Variants in FRMD6 observed in about 807,000 individuals in gnomAD.
The protein encoded by FRMD6 is FERM domain containing 6.
Under a neutral mutation model 73.2 loss-of-function variants are expected in FRMD6, and 37 were observed. The observed-to-expected ratio is 0.51, with a 90% confidence interval of 0.39 to 0.66. The LOEUF (loss-of-function observed/expected upper bound fraction) is 0.66. Among genes scored for constraint, FRMD6 ranks in the 30% least tolerant of loss-of-function variants. FRMD6 has a pLI of 0.00. For synonymous variants in FRMD6, 273 were observed against 282.2 expected (o/e 0.97, Z 0.33); for missense variants, 714 against 780.5 (o/e 0.91, Z 1.02).
chr14:51,578,535 C>T (rs1888529242), intron 2 of FRMD6, among the ~76,000 whole-genome samples: 1 of 152,218 alleles, frequency 6.6e-6, no homozygotes, highest in Non-Finnish European at 1.5e-5. Context: ...CTCTGGTTCT[C>T]ACCACTCGTG....
intron 7 of FRMD6, among the ~76,000 whole-genome samples, chr14:51,709,642 G>A (rs964863161): frequency 4.6e-5 from 7 of 152,076 alleles, no homozygotes; most frequent in African/African-American, 9.7e-5. Flanking sequence ...CATAAGATCT[G>A]TTTGGCTAAA....
chr14:51,488,811 C>T (rs769263712), upstream of FRMD6, among the ~76,000 whole-genome samples: 3 of 152,212 alleles, frequency 2.0e-5, no homozygotes, highest in Non-Finnish European at 4.4e-5. Context: ...AAGTTCGATC[C>T]CTAACCAGTG....
At chr14:51,577,309 T>C (rs571560476) in intron 2 of FRMD6, among the ~76,000 whole-genome samples, 2 of 152,178 alleles carry the variant, frequency 1.3e-5, no homozygotes, top group African/African-American at 2.4e-5. Context: ...ACCAAACTCA[T>C]GGCACAGTCA....
rs959412878 is a variant in FRMD6 at position 51,510,112 on chromosome 14, G to C, written c.-210+20692G>C. On this transcript the variant is annotated intron_variant, in intron 1 of 14. Coordinates refer to the FRMD6 transcript ENST00000356218. The stretch of plus-strand genomic sequence containing the variant: ...ATGTTGTTTATTTTTCATCCATCTT[G>C]TTGCCATGGAGGGAGGCAGTTGTGG... 2.0e-5 allele frequency among the ~76,000 whole-genome samples: 3 copies of C among 152,298 alleles called. No individual in the cohort carries two copies. The South Asian group carries it at 6.2e-4, about 32-fold the overall frequency.
At chr14:51,467,637 C>T in the FRMD6 span, among the ~76,000 whole-genome samples, 31 of 152,058 alleles carry the variant, frequency 2.0e-4, no homozygotes, top group Non-Finnish European at 4.3e-4. Flanking sequence ...AGACGCTCCT[C>T]ACCTCCCAGA....
chr14:51,452,420 G>A, the FRMD6 span, among the ~76,000 whole-genome samples: 1 of 152,178 alleles, frequency 6.6e-6, no homozygotes, highest in Non-Finnish European at 1.5e-5. Context: ...TCTAGTGATG[G>A]TTTTCAAACT....
chr14:51,491,204 G>T (rs1169791509), intron 1 of FRMD6, among the ~76,000 whole-genome samples: 1 of 152,146 alleles, frequency 6.6e-6, no homozygotes, highest in Non-Finnish European at 1.5e-5. Flanking sequence ...GTTAGCATGG[G>T]GCCCTCACCT....
chr14:51,503,486 T>C (rs1469312220), intron 1 of FRMD6, among the ~76,000 whole-genome samples: 1 of 152,214 alleles, frequency 6.6e-6, no homozygotes, highest in African/African-American at 2.4e-5. Context: ...TCATGTGCTT[T>C]TGTCTTTAGA....
chr14:51,438,833 G>A, the FRMD6 span, among the ~76,000 whole-genome samples: 1 of 152,092 alleles, frequency 6.6e-6, no homozygotes, highest in Non-Finnish European at 1.5e-5. Context: ...GTGCTTTAAT[G>A]CCAAGCTATA....
In FRMD6 at chr14:51,680,010, G is replaced by A. The variant is rs1040259159; in HGVS notation, c.-146-9681G>A. ...AAACAGCACAGGGTGCAAAACCTCGGTTAAAGCTAGAGAAGGCGATTCATT... is the reference window on the plus strand; with the variant it reads ...AAACAGCACAGGGTGCAAAACCTCGATTAAAGCTAGAGAAGGCGATTCATT... On this transcript the variant is annotated intron_variant, in intron 1 of 13. Transcript: ENST00000344768. 2.0e-5 allele frequency among the ~76,000 whole-genome samples: 3 copies of A among 152,294 alleles called. No homozygotes were observed. In the South Asian group the frequency reaches 6.2e-4, roughly 32 times the overall value.
At chr14:51,584,402 A>G (rs1566484274) in intron 2 of FRMD6, 1 of 152,236 alleles carries the variant, frequency 6.6e-6, no homozygotes, top group Non-Finnish European at 1.5e-5. Flanking sequence ...GAGGATTGAG[A>G]AAACATGATA....
chr14:51,566,999 T>C (rs1276611191), intron 1 of FRMD6, among the ~76,000 whole-genome samples: 2 of 152,154 alleles, frequency 1.3e-5, no homozygotes, highest in African/African-American at 4.8e-5. Context: ...GCCAGACAGC[T>C]GCTACAGATG....
Position 51,549,592 on chromosome 14 carries a change from T to C in FRMD6, c.-209-20756T>C, listed in dbSNP as rs1886668349. On this transcript the variant is annotated intron_variant, in intron 1 of 14. Transcript: ENST00000356218. ...AGCTGGAGTATAAACTTTTTTTTTC[T>C]TTCTTTTTTTTTTTTTTTTTTTTGA... Among the ~76,000 whole-genome samples the C allele has an allele frequency of 6.9e-5, 6 of 87,486 alleles. No individual in the cohort carries two copies. The South Asian group carries it at 2.8e-3, about 40-fold the overall frequency. The allele number at this position is 87,486 out of a possible 152,430, so 57.4% of individuals were successfully genotyped here.
rs533998794 is a variant in FRMD6, at chr14:51,688,116, GT to G, written c.-146-1563del. 7.5e-3 allele frequency among the ~76,000 whole-genome samples: 1,092 copies of G among 145,338 alleles called. 13 individuals are homozygous for G. The highest frequency in any genetic ancestry group is 0.024 in the African/African-American group (971 of 40,038). On this transcript the variant is annotated intron_variant, in intron 1 of 13. Coordinates refer to ENST00000344768, the MANE Select transcript of FRMD6 (RefSeq NM_001267046.2). ...GAATTGTTGAAGGAAAAGCATGCGT[GT>G]TTTTTTTTTTTCAAGATGGATGAGT...
At chr14:51,515,217 C>T in intron 1 of FRMD6, among the ~76,000 whole-genome samples, 1 of 152,246 alleles carries the variant, frequency 6.6e-6, no homozygotes, top group Non-Finnish European at 1.5e-5. Flanking sequence ...TATTGCCCCA[C>T]TCCAGTTCCC....
At chr14:51,710,401 C>T (rs949233810) in intron 7 of FRMD6, among the ~76,000 whole-genome samples, 1 of 152,128 alleles carries the variant, frequency 6.6e-6, no homozygotes, top group Non-Finnish European at 1.5e-5. Flanking sequence ...CCAATATATA[C>T]CGTATACTTG....
intron 2 of FRMD6, among the ~76,000 whole-genome samples, chr14:51,613,722 C>A (rs528594501): frequency 1.1e-3 from 163 of 152,116 alleles, no homozygotes; most frequent in Middle Eastern, 6.8e-3. Context: ...ACAAGTCCCT[C>A]TTTGCTCTAA....
intron 1 of FRMD6, among the ~76,000 whole-genome samples, chr14:51,677,690 C>G (rs1379293691): frequency 6.6e-6 from 1 of 152,112 alleles, no homozygotes; most frequent in African/African-American, 2.4e-5. Flanking sequence ...TATCCCCCAG[C>G]TTCCCATAGG....
At chr14:51,436,490 C>T in the FRMD6 span, 23 of 631,066 alleles carry the variant, frequency 3.6e-5, no homozygotes, top group East Asian at 9.5e-4. Flanking sequence ...ATAAAATTCT[C>T]TCCAAAGAAT....
Sources: gnomAD v4.1 joint callset for allele counts (sites outside exome capture counted in the v4.1 genomes callset) on GRCh38, gnomAD v4.1.1 for gene constraint, MANE v1.5 for transcripts, NCBI Gene and HGNC (gene_info 2026-07-23, HGNC 2026-07-21) for gene names.